The following ROBO1 variants were observed in gnomAD, a reference collection of about 807,000 sequenced individuals.
ROBO1 encodes the protein roundabout guidance receptor 1, also known as roundabout homolog 1.
Under a neutral mutation model 195.9 loss-of-function variants are expected in ROBO1, and 149 were observed. That is an observed-to-expected ratio of 0.76 (90% CI 0.67 to 0.87). The LOEUF is 0.87. Among genes scored for constraint, ROBO1 ranks in the 40% least tolerant of loss-of-function variants. The pLI is 0.00. For synonymous variants in ROBO1, 816 were observed against 733.2 expected, an observed-to-expected ratio of 1.11 and a Z score of -1.82; for missense variants, 1,933 against 2,068.3, an observed-to-expected ratio of 0.93 and a Z score of 1.27.
intron 3 of ROBO1, among the ~76,000 whole-genome samples, chr3:79,055,731 T>A (rs2078794305): frequency 6.6e-6 from 1 of 152,076 alleles, no homozygotes; most frequent in Non-Finnish European, 1.5e-5. Context: ...ATGAAGGGAT[T>A]ACTAAACCCC....
intron 2 of ROBO1, among the ~76,000 whole-genome samples, chr3:79,215,603 T>C (rs1476646832): frequency 6.6e-6 from 1 of 152,174 alleles, no homozygotes; most frequent in East Asian, 1.9e-4. Context: ...CTCAAGGGCC[T>C]GACAAGACAA....
intron 2 of ROBO1, among the ~76,000 whole-genome samples, chr3:79,481,825 T>C (rs1368359617): frequency 6.6e-6 from 1 of 152,178 alleles, no homozygotes; most frequent in Non-Finnish European, 1.5e-5. Flanking sequence ...GAATGTGCTA[T>C]ATTGCCTTTT....
At chr3:78,654,676 T>C (rs1417407965) in intron 18 of ROBO1, among the ~76,000 whole-genome samples, 1 of 152,216 alleles carries the variant, frequency 6.6e-6, no homozygotes, top group Non-Finnish European at 1.5e-5. Context: ...GCTCAGTCTT[T>C]GTCTCACTGC....
intron 3 of ROBO1, among the ~76,000 whole-genome samples, chr3:78,941,068 A>C (rs2040108266): frequency 1.3e-5 from 2 of 152,210 alleles, no homozygotes; most frequent in Admixed American, 1.3e-4. Flanking sequence ...ATTTGTAACT[A>C]CTCCAATTAA....
At chr3:79,176,329 T>G (rs568881085) in intron 2 of ROBO1, among the ~76,000 whole-genome samples, 1 of 152,348 alleles carries the variant, frequency 6.6e-6, no homozygotes, top group South Asian at 2.1e-4. Context: ...ATCCATTTTG[T>G]TCAGCTTTCT....
chr3:78,924,148 T>C (rs2039088490), intron 4 of ROBO1, among the ~76,000 whole-genome samples: 1 of 152,032 alleles, frequency 6.6e-6, no homozygotes, highest in African/African-American at 2.4e-5. Flanking sequence ...TTTTGAATAA[T>C]AAAAAAGTGA....
chr3:79,119,004 TA>T (rs1362137545), intron 3 of ROBO1, among the ~76,000 whole-genome samples: 43 of 152,162 alleles, frequency 2.8e-4, no homozygotes, highest in Non-Finnish European at 1.3e-4. Flanking sequence ...TTCCCCACTA[TA>T]AAAACTCAAA....
rs1399754635 is a variant in ROBO1, at chr3:79,261,327, G to A, written c.89-135788C>T. On this transcript the variant is annotated intron_variant, in intron 2 of 30. Coordinates refer to ENST00000464233, the MANE Select transcript of ROBO1 (RefSeq NM_002941.4). ...TTATTTTCAAGACTAAACAGCTAGTGGATGTAAAAGCTGAATAGTATCAGG... is the reference window on the plus strand; with the variant it reads ...TTATTTTCAAGACTAAACAGCTAGTAGATGTAAAAGCTGAATAGTATCAGG... Among the ~76,000 whole-genome samples, 3 of 151,956 alleles carry A rather than the reference G, an allele frequency of 2.0e-5. No homozygotes were observed. The South Asian group carries it at 6.2e-4, about 31-fold the overall frequency.
intron 2 of ROBO1, among the ~76,000 whole-genome samples, chr3:79,256,938 T>C (rs75974805): frequency 0.061 from 9,342 of 152,272 alleles, 346 homozygotes; most frequent in African/African-American, 0.095. Flanking sequence ...TTTTAACTTG[T>C]AGTTTGGTAC....
chr3:78,964,378 G>A (rs1560057708), intron 3 of ROBO1, among the ~76,000 whole-genome samples: 1 of 152,082 alleles, frequency 6.6e-6, no homozygotes, highest in African/African-American at 2.4e-5. Context: ...GTCTCAAATG[G>A]GGTGTACAGG....
At chr3:78,876,554 T>C (rs1230918404) in intron 4 of ROBO1, among the ~76,000 whole-genome samples, 2 of 152,164 alleles carry the variant, frequency 1.3e-5, no homozygotes, top group African/African-American at 2.4e-5. Context: ...ATTGTTAGAA[T>C]AATAAATTCA....
At chr3:79,527,814 T>C (rs1355380899) in intron 2 of ROBO1, 1 of 16,430 alleles carries the variant, frequency 6.1e-5, no homozygotes, top group Non-Finnish European at 1.1e-4. Flanking sequence ...TGCTTACGTT[T>C]TCTTACCTCT....
At chr3:79,335,748 T>C (rs529600554) in intron 2 of ROBO1, among the ~76,000 whole-genome samples, 1 of 152,252 alleles carries the variant, frequency 6.6e-6, no homozygotes, top group African/African-American at 2.4e-5. Context: ...CCTGAAAATG[T>C]GGAAGCAACT....
intron 2 of ROBO1, among the ~76,000 whole-genome samples, chr3:79,153,558 T>C (rs2108644355): frequency 6.6e-6 from 1 of 151,696 alleles, no homozygotes; most frequent in South Asian, 2.1e-4. Context: ...GAAGGAATAT[T>C]GCTATGTTAT....
intron 22 of ROBO1, among the ~76,000 whole-genome samples, chr3:78,636,932 A>ATT (rs1705538476): frequency 3.6e-5 from 2 of 55,834 alleles, no homozygotes; most frequent in Non-Finnish European, 6.9e-5. Flanking sequence ...ATATACATTC[A>ATT]TTTTATATAT....
At chr3:79,713,521 T>A (rs1448043137) in intron 1 of ROBO1, among the ~76,000 whole-genome samples, 2 of 152,124 alleles carry the variant, frequency 1.3e-5, no homozygotes, top group Admixed American at 6.6e-5. Flanking sequence ...AGGTAGTAAC[T>A]GCAGATGGAG....
chr3:79,309,375 C>T (rs1334506286), intron 2 of ROBO1, among the ~76,000 whole-genome samples: 1 of 152,116 alleles, frequency 6.6e-6, no homozygotes, highest in South Asian at 2.1e-4. Flanking sequence ...TCGAGACCAG[C>T]CTGGGCAACA....
At chr3:79,222,553 A>G (rs922042039) in intron 2 of ROBO1, among the ~76,000 whole-genome samples, 2 of 151,968 alleles carry the variant, frequency 1.3e-5, no homozygotes, top group African/African-American at 4.8e-5. Context: ...TTTACTATGA[A>G]TCTTATTTTT....
At chr3:78,734,044 T>C (rs1452194472) in intron 5 of ROBO1, among the ~76,000 whole-genome samples, 1 of 152,178 alleles carries the variant, frequency 6.6e-6, no homozygotes, top group Non-Finnish European at 1.5e-5. Context: ...AATTATGAAG[T>C]ACAACTTTCT....
Sources: gnomAD v4.1 joint callset for allele counts (sites outside exome capture counted in the v4.1 genomes callset) on GRCh38, gnomAD v4.1.1 for gene constraint, MANE v1.5 for transcripts, NCBI Gene and HGNC (gene_info 2026-07-23, HGNC 2026-07-21) for gene names.